The following CYB5R3 variants were observed in gnomAD, a reference collection of about 807,000 sequenced individuals.
The protein encoded by CYB5R3 is cytochrome b5 reductase 3.
A neutral mutation model predicts 36.5 loss-of-function variants in CYB5R3; 28 were observed. The observed-to-expected ratio is 0.77, with a 90% CI of 0.57 to 1.05. The LOEUF (loss-of-function observed/expected upper bound fraction) is 1.05, where lower values mean the gene tolerates loss of function less well. Among genes scored for constraint, CYB5R3 ranks in the 50% least tolerant of loss-of-function variants. CYB5R3 has a pLI of 0.00. For synonymous variants in CYB5R3, 181 were observed against 159.8 expected (o/e 1.13, Z -1.00); for missense variants, 474 against 408.9 (o/e 1.16, Z -1.37).
intron 1 of CYB5R3, among the ~76,000 whole-genome samples, chr22:42,642,993 C>T (rs1295296059): frequency 3.3e-5 from 5 of 152,216 alleles, no homozygotes; most frequent in African/African-American, 7.2e-5. Flanking sequence ...AAGTTCCTTG[C>T]ATGCGTGCAG....
At chr22:42,626,405 G>A (rs866716367) in intron 7 of CYB5R3, among the ~76,000 whole-genome samples, 11 of 152,076 alleles carry the variant, frequency 7.2e-5, no homozygotes, top group Admixed American at 3.9e-4. Context: ...GCCTGTGTTC[G>A]GAGGTATGAG....
intron 1 of CYB5R3, chr22:42,640,177 T>C (rs767631567): frequency 6.2e-7 from 1 of 1,612,478 alleles, no homozygotes; most frequent in Non-Finnish European, 8.5e-7. Context: ...AACCGTGGTG[T>C]AGTACCAAAA....
At chr22:42,623,040 C>T (rs920720826) in intron 8 of CYB5R3, among the ~76,000 whole-genome samples, 7 of 151,750 alleles carry the variant, frequency 4.6e-5, no homozygotes, top group Admixed American at 1.3e-4. Context: ...CAGGCAGATG[C>T]GCTCCAATTT....
chr22:42,621,290 T>C lies in CYB5R3; in HGVS notation c.734-1345A>G, dbSNP rs756808562. On this transcript the variant is annotated intron_variant, in intron 8 of 8. Transcript: ENST00000352397. ...TGGCTATTCACAGGTGTGATCATAA[T>C]GCCCTCCAGCCTGGAGCTCCTGGGC... Among the ~76,000 whole-genome samples the C allele has an allele frequency of 8.7e-4, 132 of 151,792 alleles. 1 individual carries two copies. The highest frequency in any genetic ancestry group is 2.7e-4 in the Non-Finnish European group (18 of 67,922).
Position 42,627,644 on chromosome 22 carries a change from T to G in CYB5R3, c.508A>C (p.Arg170=), listed in dbSNP as rs1928355433. 1 of 1,614,030 alleles carries G rather than the reference T, an allele frequency of 6.2e-7. No individual in the cohort carries two copies. Reference sequence around the variant, plus strand: ...ATCATGCCCACAGACTTCACTGTCCTGATGATAGGGTTGGACTTTTTGTCA... The same window carrying G: ...ATCATGCCCACAGACTTCACTGTCCGGATGATAGGGTTGGACTTTTTGTCA... The part of the protein sequence containing the change: ...RPDKKSNPII[R]TVKSVGMIAG... The change falls in exon 6 of 9, where the codon AGG becomes CGG. Residue 170 remains arginine, a synonymous_variant. Transcript: ENST00000352397.
intron 2 of CYB5R3, among the ~76,000 whole-genome samples, chr22:42,636,457 G>A (rs1928896917): frequency 6.6e-6 from 1 of 152,182 alleles, no homozygotes; most frequent in African/African-American, 2.4e-5. Flanking sequence ...TAAAAGTTCT[G>A]AGGGGTTCCT....
Position 42,627,324 on chromosome 22 carries a change from G to A in CYB5R3, c.613C>T (p.His205Tyr), listed in dbSNP as rs1369861477. The change falls in exon 7 of 9, where the codon CAC (histidine) becomes TAC (tyrosine). Residue 205 changes from histidine (H) to tyrosine (Y), a missense_variant. Transcript: ENST00000352397. ...CTGACCTGGTTGGCAAAGAGCAGGT[G>A]GCACACAGTGTGGTCATCAGGGTCC... ...MKDPDDHTVC[H>Y]LLFANQTEKD... 1 of 1,613,988 alleles carries A rather than the reference G, an allele frequency of 6.2e-7. No individual in the cohort carries two copies. Among genetic ancestry groups the A allele is most frequent in the Middle Eastern group, 1.6e-4 (1 of 6,062 alleles).
At position 42,634,867 on chromosome 22, in the gene CYB5R3, C is replaced by T. The variant is rs180931910; in HGVS notation, c.153+1848G>A. 1.5e-4 allele frequency among the ~76,000 whole-genome samples: 22 copies of T among 142,462 alleles called. No individual in the cohort carries two copies. In the East Asian group the frequency reaches 5.0e-3, roughly 33 times the overall value. 93.5% of individuals were successfully genotyped at this position (142,462 alleles called of 152,430 possible). On this transcript the variant is annotated intron_variant, in intron 2 of 8. Transcript: ENST00000352397. Reference sequence around the variant, plus strand: ...TAGCCCAGGCTGGAGTGCAGTGACACGATCTCGGCTCACTGCAAGCTCCAC... The same window carrying T: ...TAGCCCAGGCTGGAGTGCAGTGACATGATCTCGGCTCACTGCAAGCTCCAC...
rs983762191 is a variant in CYB5R3 at position 42,641,903 on chromosome 22, C to A, written c.22-5057G>T. Among the ~76,000 whole-genome samples, 4 of 152,180 alleles carry A rather than the reference C, an allele frequency of 2.6e-5. No individual in the cohort carries two copies. The South Asian group carries it at 8.3e-4, about 32-fold the overall frequency. On this transcript the variant is annotated intron_variant, in intron 1 of 8. Transcript: ENST00000352397. ...CCTCCCACAGTACTGGGATTACAGG[C>A]ATGAGCCACTGCACCCAGCCTATAC...
rs1927841872 is a variant in CYB5R3 at position 42,619,601 on chromosome 22, G to A, written c.*172C>T. ...TCAGCCGTGGCCCATCTGGGACACA[G>A]CCCTGCTCCCGAAGGGGCTCCAGGG... On this transcript the variant is annotated 3_prime_UTR_variant, in exon 9 of 9. Transcript: ENST00000352397. 3.1e-6 allele frequency: 2 copies of A among 647,262 alleles called. No homozygotes were observed. Among genetic ancestry groups the A allele is most frequent in the African/African-American group, 1.8e-5 (1 of 54,954 alleles). 40.1% of individuals were successfully genotyped at this position (647,262 alleles called of 1,614,324 possible).
In CYB5R3 at chr22:42,627,573, C is replaced by T. The variant is rs8190450; in HGVS notation, c.547+32G>A. On this transcript the variant is annotated intron_variant, in intron 6 of 8. Coordinates refer to ENST00000352397, the MANE Select transcript of CYB5R3 (RefSeq NM_000398.7). Reference sequence around the variant, plus strand: ...CCCCAACCCCACCCTTAACATGAGCCGCCGGACGCCTCAGTGGGGGGTTCC... The same window carrying T: ...CCCCAACCCCACCCTTAACATGAGCTGCCGGACGCCTCAGTGGGGGGTTCC... 1,312 of 1,596,012 alleles carry T rather than the reference C, an allele frequency of 8.2e-4. 3 individuals carry two copies. The highest frequency in any genetic ancestry group is 1.0e-3 in the Non-Finnish European group (1,173 of 1,163,482).
At chr22:42,637,655 G>C (rs1452958302) in intron 1 of CYB5R3, among the ~76,000 whole-genome samples, 1 of 152,144 alleles carries the variant, frequency 6.6e-6, no homozygotes, top group Non-Finnish European at 1.5e-5. Flanking sequence ...CTACAGCTCA[G>C]ATCACCAAAG....
Position 42,631,458 on chromosome 22 carries a change from GAGGCCCAA to G in CYB5R3, c.154-16_154-9del. On this transcript the variant is annotated splice_polypyrimidine_tract_variant and intron_variant, in intron 2 of 8. Coordinates refer to ENST00000352397, the MANE Select transcript of CYB5R3 (RefSeq NM_000398.7). The stretch of plus-strand genomic sequence containing the variant: ...GGTGTCATGGCTGATGATCTGGAGA[GAGGCCCAA>G]AGCTGCTGAACGGTCCCCAGGGCAG... 1 of 1,551,578 alleles carries G rather than the reference GAGGCCCAA, an allele frequency of 6.4e-7. No homozygotes were observed. The highest frequency in any genetic ancestry group is 8.7e-7 in the Non-Finnish European group (1 of 1,146,954).
rs1056273987 is a variant in CYB5R3, at chr22:42,644,285, G to C, written c.21+5010C>G. ...GGCCTGAGCACCTGCCCCCAGCCCC[G>C]GGGGTCCGAACCAACAGGCGGCTCC... On this transcript the variant is annotated intron_variant, in intron 1 of 8. Coordinates refer to ENST00000352397, the MANE Select transcript of CYB5R3 (RefSeq NM_000398.7). The C allele has an allele frequency of 4.6e-6, 3 of 653,890 alleles. No individual in the cohort carries two copies. In the South Asian group the frequency reaches 5.0e-5, roughly 11 times the overall value. 40.5% of individuals were successfully genotyped at this position (653,890 alleles called of 1,614,324 possible).
At chr22:42,648,238 G>A (rs1929617159) in intron 1 of CYB5R3, among the ~76,000 whole-genome samples, 1 of 151,986 alleles carries the variant, frequency 6.6e-6, no homozygotes, top group Non-Finnish European at 1.5e-5. Context: ...TCCCCAAGGA[G>A]GGAGGACCCA....
chr22:42,631,128 T>G (rs8190431), intron 3 of CYB5R3, 140 bp from the exon 4 acceptor site: 23 of 805,524 alleles, frequency 2.9e-5, no homozygotes, highest in African/African-American at 2.8e-4. Flanking sequence ...CTCCCACCCC[T>G]CCCGGGGATT....
chr22:42,621,740 C>T (rs1196068575), intron 8 of CYB5R3, among the ~76,000 whole-genome samples: 2 of 152,364 alleles, frequency 1.3e-5, no homozygotes, highest in Middle Eastern at 3.4e-3. Context: ...GACCAGGCCT[C>T]GCTCTGGCCA....
rs2285141 is a variant in CYB5R3, at chr22:42,636,864, G to A, written c.22-18C>T. 14 of 1,611,554 alleles carry A rather than the reference G, an allele frequency of 8.7e-6. No homozygotes were observed. Among genetic ancestry groups the A allele is most frequent in the Middle Eastern group, 1.7e-4 (1 of 6,060 alleles). On this transcript the variant is annotated intron_variant, in intron 1 of 8. Transcript: ENST00000352397. ...TGGCCCAACTGAAACGACAGGACCCGCGGGGTCAGTGCAGGAGCCTGCCTT... is the reference window on the plus strand; with the variant it reads ...TGGCCCAACTGAAACGACAGGACCCACGGGGTCAGTGCAGGAGCCTGCCTT...
chr22:42,627,319 C>G lies in CYB5R3; in HGVS notation c.618G>C (p.Leu206=). The change falls in exon 7 of 9, where the codon CTG becomes CTC. Residue 206 remains leucine (L), a synonymous_variant. Transcript: ENST00000352397. ...KDPDDHTVCH[L]LFANQTEKDI... Reference sequence around the variant, plus strand: ...GCCCACTGACCTGGTTGGCAAAGAGCAGGTGGCACACAGTGTGGTCATCAG... The same window carrying G: ...GCCCACTGACCTGGTTGGCAAAGAGGAGGTGGCACACAGTGTGGTCATCAG... The G allele has an allele frequency of 6.2e-7, 1 of 1,613,954 alleles. No individual in the cohort carries two copies. Among genetic ancestry groups the G allele is most frequent in the Non-Finnish European group, 8.5e-7 (1 of 1,179,962 alleles).
Sources: gnomAD v4.1 joint callset for allele counts (sites outside exome capture counted in the v4.1 genomes callset) on GRCh38, gnomAD v4.1.1 for gene constraint, MANE v1.5 for transcripts, NCBI Gene and HGNC (gene_info 2026-07-23, HGNC 2026-07-21) for gene names.